Variants in OTUD7A observed in about 807,000 individuals in gnomAD.
OTUD7A encodes OTU domain-containing protein 7A.
Under a neutral mutation model 65.7 loss-of-function variants are expected in OTUD7A, and 12 were observed. The observed-to-expected ratio is 0.18, with a 90% CI of 0.12 to 0.30. The LOEUF is 0.30. OTUD7A is among the 10% of genes least tolerant of loss of function. The pLI, the probability that OTUD7A is intolerant of heterozygous loss-of-function variation, is 1.00. For synonymous variants in OTUD7A, 641 were observed against 586.3 expected (o/e 1.09, Z -1.35); for missense variants, 1,148 against 1,304.8 (o/e 0.88, Z 1.85).
intron 1 of OTUD7A, among the ~76,000 whole-genome samples, chr15:31,760,121 C>T (rs1242779029): frequency 6.6e-6 from 1 of 152,190 alleles, no homozygotes; most frequent in African/African-American, 2.4e-5. Context: ...TTGCTACCTA[C>T]TCCACACAGT....
At chr15:31,701,673 C>G (rs1893217127) in intron 1 of OTUD7A, among the ~76,000 whole-genome samples, 1 of 150,902 alleles carries the variant, frequency 6.6e-6, no homozygotes. Flanking sequence ...AAGCCTCCTC[C>G]AAAGAAATGT....
At chr15:31,533,393 A>C (rs1159164258) in intron 5 of OTUD7A, among the ~76,000 whole-genome samples, 1 of 151,892 alleles carries the variant, frequency 6.6e-6, no homozygotes, top group Non-Finnish European at 1.5e-5. Context: ...GCACCACCAA[A>C]CTTGGCTAAT....
chr15:31,807,171 T>C (rs1481560273), intron 1 of OTUD7A, among the ~76,000 whole-genome samples: 3 of 152,170 alleles, frequency 2.0e-5, no homozygotes, highest in Non-Finnish European at 4.4e-5. Context: ...ATAAGCTCAA[T>C]AGAGTCAATA....
chr15:31,852,125 GGGATTACA>G (rs1051043891), intron 1 of OTUD7A, among the ~76,000 whole-genome samples: 55 of 152,306 alleles, frequency 3.6e-4, no homozygotes, highest in African/African-American at 1.3e-3. Flanking sequence ...CCAAAGTGCT[GGGATTACA>G]GGCATGAGCC....
At chr15:31,617,181 G>C (rs1890614879) in intron 3 of OTUD7A, among the ~76,000 whole-genome samples, 1 of 152,230 alleles carries the variant, frequency 6.6e-6, no homozygotes, top group African/African-American at 2.4e-5. Flanking sequence ...TGGTTCTTTG[G>C]AAAGACTTAG....
At chr15:31,587,015 C>G (rs1049001757) in intron 3 of OTUD7A, among the ~76,000 whole-genome samples, 2 of 152,104 alleles carry the variant, frequency 1.3e-5, no homozygotes, top group Non-Finnish European at 1.5e-5. Context: ...CTCAGGCTAA[C>G]TCTTGACTCA....
intron 12 of OTUD7A, among the ~76,000 whole-genome samples, chr15:31,486,579 C>T (rs1016666256): frequency 3.5e-5 from 5 of 141,868 alleles, no homozygotes; most frequent in Non-Finnish European, 7.6e-5. Context: ...AAAATGAATC[C>T]CTCAGCGTTT....
intron 1 of OTUD7A, among the ~76,000 whole-genome samples, chr15:31,681,410 C>T (rs1009096029): frequency 2.0e-5 from 3 of 152,078 alleles, no homozygotes; most frequent in Non-Finnish European, 4.4e-5. Context: ...GTCTATATGA[C>T]CACCTGTCTG....
At chr15:31,619,939 C>A (rs904883995) in intron 3 of OTUD7A, among the ~76,000 whole-genome samples, 14 of 152,058 alleles carry the variant, frequency 9.2e-5, no homozygotes, top group African/African-American at 3.1e-4. Flanking sequence ...GAGATATGTC[C>A]CATCAATACC....
At chr15:31,619,307 T>G (rs543674985) in intron 3 of OTUD7A, among the ~76,000 whole-genome samples, 1 of 152,346 alleles carries the variant, frequency 6.6e-6, no homozygotes, top group South Asian at 2.1e-4. Flanking sequence ...TCCAATTCTG[T>G]GAAGAAAGTC....
chr15:31,608,785 A>G (rs1366227216), intron 3 of OTUD7A, among the ~76,000 whole-genome samples: 1 of 152,264 alleles, frequency 6.6e-6, no homozygotes, highest in Non-Finnish European at 1.5e-5. Flanking sequence ...TTGGAAGAAC[A>G]GAGCAGCGTG....
rs1163969114 is a variant in OTUD7A, at chr15:31,475,451, T to A, written c.*7843A>T. The A allele has an allele frequency of 6.6e-6, 1 of 152,194 alleles. No homozygotes were observed. Among genetic ancestry groups the A allele is most frequent in the Non-Finnish European group, 1.5e-5 (1 of 68,026 alleles). 9.4% of individuals were successfully genotyped at this position (152,194 alleles called of 1,614,324 possible). On this transcript the variant is annotated 3_prime_UTR_variant, in exon 13 of 13. Transcript: ENST00000307050. Reference sequence around the variant, plus strand: ...GTAGGCATCAAAGCTTCTCTCTGTGTCAGGTAATGGAGAAGCCATGTCACA... The same window carrying A: ...GTAGGCATCAAAGCTTCTCTCTGTGACAGGTAATGGAGAAGCCATGTCACA...
chr15:31,676,270 T>C (rs1892593224), intron 1 of OTUD7A, among the ~76,000 whole-genome samples: 1 of 152,100 alleles, frequency 6.6e-6, no homozygotes, highest in Non-Finnish European at 1.5e-5. Context: ...CCCATTCCCC[T>C]TCCTTATTGC....
intron 1 of OTUD7A, among the ~76,000 whole-genome samples, chr15:31,842,273 C>T (rs1375966826): frequency 6.6e-6 from 1 of 152,212 alleles, no homozygotes; most frequent in Non-Finnish European, 1.5e-5. Context: ...GTGTCCTGAT[C>T]TAGGTGTGGA....
At chr15:31,626,462 T>A (rs1298443381) in intron 3 of OTUD7A, among the ~76,000 whole-genome samples, 1 of 152,176 alleles carries the variant, frequency 6.6e-6, no homozygotes, top group Admixed American at 6.5e-5. Context: ...TTTAATAGTA[T>A]ACTAGTGGGG....
At chr15:31,490,997 C>T (rs542051157) in intron 10 of OTUD7A, among the ~76,000 whole-genome samples, 128 of 152,260 alleles carry the variant, frequency 8.4e-4, no homozygotes, top group African/African-American at 3.0e-3. Context: ...AACCTAGACT[C>T]TGAAAACCTA....
At chr15:31,859,812 T>C (rs1291279796) in intron 1 of OTUD7A, among the ~76,000 whole-genome samples, 1 of 152,146 alleles carries the variant, frequency 6.6e-6, no homozygotes, top group Non-Finnish European at 1.5e-5. Context: ...ATCGTTTCAA[T>C]AGGAAGTGGA....
intron 3 of OTUD7A, among the ~76,000 whole-genome samples, chr15:31,591,041 A>G (rs1889707231): frequency 6.6e-6 from 1 of 152,168 alleles, no homozygotes; most frequent in African/African-American, 2.4e-5. Flanking sequence ...GAGGTATTGC[A>G]GAGGAGCCAG....
intron 1 of OTUD7A, among the ~76,000 whole-genome samples, chr15:31,750,414 A>AAAAAAAAAAAAAAC: frequency 6.6e-6 from 1 of 151,548 alleles, no homozygotes; most frequent in African/African-American, 2.4e-5. Flanking sequence ...AAAAAAAAAA[A>AAAAAAAAAAAAAAC]AAAAAAAAGT....
Sources: gnomAD v4.1 joint callset for allele counts (sites outside exome capture counted in the v4.1 genomes callset) on GRCh38, gnomAD v4.1.1 for gene constraint, MANE v1.5 for transcripts, NCBI Gene and HGNC (gene_info 2026-07-23, HGNC 2026-07-21) for gene names.